Variants in SLC7A1 observed in about 807,000 individuals in gnomAD.
The protein encoded by SLC7A1 is high affinity cationic amino acid transporter 1.
Under a neutral mutation model 53.9 loss-of-function variants are expected in SLC7A1, and 10 were observed. The ratio of observed to expected loss-of-function variants is 0.19; its 90% CI spans 0.11 to 0.31. The LOEUF (loss-of-function observed/expected upper bound fraction) is 0.31. Ranked by LOEUF, SLC7A1 falls within the 10% of genes least tolerant of loss-of-function variation. The probability of loss-of-function intolerance (pLI) is 1.00; values close to 1 mark genes in which losing one functional copy is unlikely to be tolerated. For missense variants in SLC7A1, 525 were observed against 827.2 expected (o/e 0.63, Z 4.48); for synonymous variants, 342 against 338.7 (o/e 1.01, Z -0.11).
intron 5 of SLC7A1, among the ~76,000 whole-genome samples, chr13:29,524,956 A>G (rs1411928): frequency 0.69 from 104,697 of 152,098 alleles, 38,544 homozygotes; most frequent in Non-Finnish European, 0.84. Context: ...TAAATCTGAC[A>G]CCTGTGCCGA....
At chr13:29,570,739 C>T (rs1871158287) in intron 1 of SLC7A1, among the ~76,000 whole-genome samples, 1 of 152,030 alleles carries the variant, frequency 6.6e-6, no homozygotes, top group Admixed American at 6.6e-5. Flanking sequence ...TGCTTATAGT[C>T]CCAGCAACCA....
At chr13:29,563,139 T>C (rs1593571308) in intron 1 of SLC7A1, among the ~76,000 whole-genome samples, 1 of 152,020 alleles carries the variant, frequency 6.6e-6, no homozygotes. Flanking sequence ...CAACTGGGGG[T>C]GACTCTGTCC....
intron 5 of SLC7A1, among the ~76,000 whole-genome samples, chr13:29,526,281 A>G (rs572275531): frequency 2.8e-4 from 42 of 151,844 alleles, no homozygotes; most frequent in Non-Finnish European, 4.6e-4. Context: ...CTTGGGCAAC[A>G]TAGTGAGACC....
At chr13:29,583,791 A>G (rs1435198236) in intron 1 of SLC7A1, among the ~76,000 whole-genome samples, 1 of 152,264 alleles carries the variant, frequency 6.6e-6, no homozygotes, top group Non-Finnish European at 1.5e-5. Context: ...GAGACCAGCA[A>G]GACAGACATT....
intron 5 of SLC7A1, among the ~76,000 whole-genome samples, chr13:29,526,311 A>T (rs9579385): frequency 0.048 from 6,894 of 145,088 alleles, 188 homozygotes; most frequent in African/African-American, 0.081. Flanking sequence ...CAAAAAAAAA[A>T]TTTTTTTCTG....
At chr13:29,541,047 G>C (rs369977220) in intron 2 of SLC7A1, among the ~76,000 whole-genome samples, 2 of 152,118 alleles carry the variant, frequency 1.3e-5, no homozygotes, top group African/African-American at 2.4e-5. Context: ...AGCTGAGTGA[G>C]CTGCAGCCAC....
At chr13:29,524,844 C>T (rs1868810065) in intron 5 of SLC7A1, among the ~76,000 whole-genome samples, 1 of 152,216 alleles carries the variant, frequency 6.6e-6, no homozygotes, top group African/African-American at 2.4e-5. Flanking sequence ...GGGCTCAGCA[C>T]ATCTTTGCTA....
chr13:29,593,856 C>T (rs993952796), intron 1 of SLC7A1, among the ~76,000 whole-genome samples: 3 of 152,054 alleles, frequency 2.0e-5, no homozygotes, highest in African/African-American at 7.2e-5. Context: ...TTCTGATCTA[C>T]TTACTAAGCC....
rs114203588 is a variant in SLC7A1 at position 29,554,813 on chromosome 13, G to A, written c.-114-953C>T. ...ATCTTATTCTATTCCCACCTACATC[G>A]TCTTTCATACATTGATAATTCATCC... On this transcript the variant is annotated intron_variant, in intron 1 of 12. Coordinates refer to ENST00000380752, the MANE Select transcript of SLC7A1 (RefSeq NM_003045.5). Among the ~76,000 whole-genome samples, 280 of 152,228 alleles carry A rather than the reference G, an allele frequency of 1.8e-3. 1 individual carries two copies. The highest frequency in any genetic ancestry group is 6.2e-3 in the African/African-American group (259 of 41,532).
At chr13:29,539,080 A>C (rs1311083114) in intron 2 of SLC7A1, among the ~76,000 whole-genome samples, 1 of 152,216 alleles carries the variant, frequency 6.6e-6, no homozygotes, top group East Asian at 1.9e-4. Flanking sequence ...CCTAGGCCTC[A>C]CAGGATAACA....
intron 1 of SLC7A1, among the ~76,000 whole-genome samples, chr13:29,567,895 G>A (rs1871037642): frequency 6.6e-6 from 1 of 152,006 alleles, no homozygotes; most frequent in Admixed American, 6.5e-5. Context: ...TGTGTTGCTG[G>A]AACGTGCATG....
chr13:29,550,626 G>C (rs1465292872), intron 2 of SLC7A1, among the ~76,000 whole-genome samples: 1 of 152,196 alleles, frequency 6.6e-6, no homozygotes, highest in East Asian at 1.9e-4. Context: ...TCTACAACTA[G>C]AGAACGTGAA....
chr13:29,512,747 A>C lies in SLC7A1; in HGVS notation c.*1733T>G, dbSNP rs1290977975. 2 of 148,384 alleles carry C rather than the reference A, an allele frequency of 1.3e-5. No individual in the cohort carries two copies. The highest frequency in any genetic ancestry group is 4.9e-5 in the African/African-American group (2 of 40,842). The allele number at this position is 148,384 out of a possible 1,614,324, so 9.2% of individuals were successfully genotyped here. A position where few individuals can be genotyped will look rare whatever the true frequency, so the allele number is the denominator to read the frequency against. ...CCTCTGGAACATTCAAAATGAGATC[A>C]GAATAAAGCTCCCAGCAAGGTGAGC... is the stretch of plus-strand genomic sequence containing the variant. On this transcript the variant is annotated 3_prime_UTR_variant, in exon 13 of 13. Transcript: ENST00000380752.
In SLC7A1 at chr13:29,534,253, A is replaced by G. The variant is rs78352650; in HGVS notation, c.371-1271T>C. On this transcript the variant is annotated intron_variant, in intron 3 of 12. Coordinates refer to ENST00000380752, the MANE Select transcript of SLC7A1 (RefSeq NM_003045.5). ...CAGCTAAGGCTGAGAACACATTTTT[A>G]TAATGCATGCAAATGGTTTCACACA... Among the ~76,000 whole-genome samples the G allele has an allele frequency of 4.4e-3, 667 of 152,384 alleles. 5 individuals carry two copies. Among genetic ancestry groups the G allele is most frequent in the African/African-American group, 0.015 (610 of 41,592 alleles).
chr13:29,523,715 G>T (rs908641897), intron 6 of SLC7A1, among the ~76,000 whole-genome samples: 1 of 152,204 alleles, frequency 6.6e-6, no homozygotes, highest in African/African-American at 2.4e-5. Flanking sequence ...CAGTGTTCTC[G>T]GCCTGAATGT....
rs1435805850 is a variant in SLC7A1 at position 29,532,890 on chromosome 13, T to C, written c.463A>G (p.Asn155Asp). 6.2e-7 allele frequency: 1 copy of C among 1,614,146 alleles called. No homozygotes were observed. Among genetic ancestry groups the C allele is most frequent in the Admixed American group, 1.7e-5 (1 of 60,012 alleles). ...TTTTCAGCCAGCACGCCGGGGGCGT[T>C]CAGAGTCATGTGTGTCCGTGAGAAC... Reference protein sequence around the residue: ...GEFSRTHMTLNAPGVLAENPD... With the variant: ...GEFSRTHMTLDAPGVLAENPD... Residue 155 changes from asparagine (N) to aspartate (D), a missense_variant, in exon 4 of 13, where the codon AAC becomes GAC. Asn to Asp is a conservative substitution (Grantham distance 23). Around this residue, in one of 4 missense-constraint regions of SLC7A1, gnomAD observed 354 missense variants for 587.5 expected, o/e 0.60. Transcript: ENST00000380752.
rs554095698 is a variant in SLC7A1, at chr13:29,509,866, C to T, written c.*4614G>A. On this transcript the variant is annotated 3_prime_UTR_variant, in exon 13 of 13. Transcript: ENST00000380752. ...AAACCAACCCTCATTGGTATCATTA[C>T]CCTTAGTGCTCCTTAAACTCATTGA... The T allele has an allele frequency of 6.6e-6, 1 of 152,548 alleles. No individual in the cohort carries two copies. The highest frequency in any genetic ancestry group is 1.5e-5 in the Non-Finnish European group (1 of 68,022). 9.4% of individuals were successfully genotyped at this position (152,548 alleles called of 1,614,324 possible). A position where few individuals can be genotyped will look rare whatever the true frequency, so the allele number is the denominator to read the frequency against.
intron 8 of SLC7A1, among the ~76,000 whole-genome samples, chr13:29,520,545 C>A (rs188800592): frequency 6.6e-6 from 1 of 152,194 alleles, no homozygotes; most frequent in Non-Finnish European, 1.5e-5. Context: ...ATTTGAACAT[C>A]TTTTGTGAGC....
At chr13:29,559,513 C>T (rs112687344) in intron 1 of SLC7A1, among the ~76,000 whole-genome samples, 1 of 9,006 alleles carries the variant, frequency 1.1e-4, no homozygotes, top group South Asian at 4.4e-3. Flanking sequence ...ATGTGAGTGA[C>T]GGGGAGTGAA....
Sources: allele counts gnomAD v4.1 joint callset (sites outside exome capture counted in the v4.1 genomes callset), GRCh38; gene constraint gnomAD v4.1.1; regional missense constraint gnomAD v4.1.1; transcripts MANE v1.5; gene names NCBI Gene and HGNC (gene_info 2026-07-23, HGNC 2026-07-21).